MTMR10: variants seen among roughly 807,000 people sequenced by gnomAD.
The protein encoded by MTMR10 is myotubularin related protein 10, also known as myotubularin-related protein 10.
A neutral mutation model predicts 88.1 loss-of-function variants in MTMR10; 56 were observed. The observed-to-expected ratio is 0.64, with a 90% CI of 0.51 to 0.79. The LOEUF is 0.79. Among genes scored for constraint, MTMR10 ranks in the 30% least tolerant of loss-of-function variants. The probability of loss-of-function intolerance (pLI) is 0.00; values close to 1 mark genes in which losing one functional copy is unlikely to be tolerated. For missense variants in MTMR10, 883 were observed against 924.7 expected (o/e 0.95, Z 0.58); for synonymous variants, 380 against 340.9 (o/e 1.11, Z -1.26).
At chr15:30,943,482 A>ATCTT (rs2063118041) in intron 14 of MTMR10, 2 of 985,464 alleles carry the variant, frequency 2.0e-6, no homozygotes, top group South Asian at 9.4e-5. Context: ...GATTAACAAA[A>ATCTT]TCTTTGGATG....
chr15:30,919,821 G>C, the MTMR10 span, among the ~76,000 whole-genome samples: 1 of 152,122 alleles, frequency 6.6e-6, no homozygotes, highest in Admixed American at 6.5e-5. Flanking sequence ...GACGAGGAGA[G>C]AGAGGAGGGC....
At chr15:30,966,671 T>A (rs1306612535) in intron 6 of MTMR10, among the ~76,000 whole-genome samples, 1 of 152,122 alleles carries the variant, frequency 6.6e-6, no homozygotes, top group Non-Finnish European at 1.5e-5. Context: ...AGTAAGTGAA[T>A]TTACTTAATA....
downstream of MTMR10, among the ~76,000 whole-genome samples, chr15:30,937,952 G>A (rs1358875937): frequency 6.6e-6 from 1 of 151,094 alleles, no homozygotes; most frequent in Non-Finnish European, 1.5e-5. Flanking sequence ...GAGGCTGAGC[G>A]AGGCAGGCGC....
chr15:30,989,750 T>TA (rs2031185268), intron 2 of MTMR10, among the ~76,000 whole-genome samples: 1 of 28,464 alleles, frequency 3.5e-5, no homozygotes, highest in Non-Finnish European at 8.0e-5. Context: ...GCCTGGCTAA[T>TA]TTTTTTTTGT....
chr15:30,948,858 T>C, intron 12 of MTMR10: 1 of 234,666 alleles, frequency 4.3e-6, no homozygotes, highest in South Asian at 6.4e-5. Flanking sequence ...ATGGGGAGAG[T>C]GGGACTGTTC....
At position 30,991,442 on chromosome 15, in the gene MTMR10, T is replaced by C; in HGVS notation, c.60+5A>G. The C allele has an allele frequency of 2.7e-6, 4 of 1,490,368 alleles. No individual in the cohort carries two copies. Among genetic ancestry groups the C allele is most frequent in the Non-Finnish European group, 3.6e-6 (4 of 1,124,054 alleles). 92.3% of individuals were successfully genotyped at this position (1,490,368 alleles called of 1,614,324 possible). ...GTCGGGCGCTCGCGGGGAGGGGTTG[T>C]TTACCTGGGGCGGTGGCAGGAGGTA... On this transcript the variant is annotated splice_donor_5th_base_variant and intron_variant, in intron 1 of 15. Coordinates refer to ENST00000435680, the MANE Select transcript of MTMR10 (RefSeq NM_017762.3).
the MTMR10 span, among the ~76,000 whole-genome samples, chr15:30,930,972 C>G: frequency 5.3e-5 from 8 of 152,302 alleles, no homozygotes; most frequent in East Asian, 1.5e-3. Context: ...GTCCAGCTGA[C>G]ACTCAAAGGG....
At chr15:30,972,363 T>C (rs1220450074) in intron 5 of MTMR10, among the ~76,000 whole-genome samples, 1 of 152,178 alleles carries the variant, frequency 6.6e-6, no homozygotes, top group African/African-American at 2.4e-5. Context: ...TCATTGCATC[T>C]ATTTTTTTTT....
At chr15:30,933,676 C>T in the MTMR10 span, among the ~76,000 whole-genome samples, 1 of 151,610 alleles carries the variant, frequency 6.6e-6, no homozygotes, top group African/African-American at 2.4e-5. Flanking sequence ...TGTGTCCTTA[C>T]TGATTTCTTA....
At chr15:30,923,970 C>A in the MTMR10 span, among the ~76,000 whole-genome samples, 1 of 152,192 alleles carries the variant, frequency 6.6e-6, no homozygotes, top group Non-Finnish European at 1.5e-5. Context: ...AACAGAAACA[C>A]TGCAGCCATT....
At position 30,974,451 on chromosome 15, in the gene MTMR10, C is replaced by G; in HGVS notation, c.337G>C (p.Asp113His). Residue 113 changes from aspartate to histidine, a missense_variant, in exon 5 of 16, where the codon GAC becomes CAC. Physicochemically the swap from Asp to His is moderately conservative, Grantham distance 81 (BLOSUM62 -1). This residue lies in a region of MTMR10 where 414 missense variants were observed against 423.2 expected (regional missense o/e 0.98). Coordinates refer to ENST00000435680, the MANE Select transcript of MTMR10 (RefSeq NM_017762.3). ...TCIEQIVTVN[D>H]HKRKQKVLGP... Reference sequence around the variant, plus strand: ...AGGACTTTCTGCTTCCTCTTGTGGTCGTTTACTAAAAAAGAAAAAAAAATA... The same window carrying G: ...AGGACTTTCTGCTTCCTCTTGTGGTGGTTTACTAAAAAAGAAAAAAAAATA... 10 of 1,506,616 alleles carry G rather than the reference C, an allele frequency of 6.6e-6. No individual in the cohort carries two copies. Among genetic ancestry groups the G allele is most frequent in the Non-Finnish European group, 8.9e-6 (10 of 1,125,454 alleles). 93.3% of individuals were successfully genotyped at this position (1,506,616 alleles called of 1,614,324 possible). A position where few individuals can be genotyped will look rare whatever the true frequency, so the allele number is the denominator to read the frequency against.
chr15:30,970,799 T>C (rs565759437), intron 5 of MTMR10, among the ~76,000 whole-genome samples: 1 of 152,184 alleles, frequency 6.6e-6, no homozygotes, highest in South Asian at 2.1e-4. Flanking sequence ...CAATATCACA[T>C]CAGGTTAGGA....
At chr15:30,982,390 T>C (rs937411240) in intron 2 of MTMR10, among the ~76,000 whole-genome samples, 1 of 152,164 alleles carries the variant, frequency 6.6e-6, no homozygotes, top group African/African-American at 2.4e-5. Context: ...TCACATTAAC[T>C]CTATCCTCTT....
chr15:30,947,480 G>A (rs1052581507), intron 13 of MTMR10, among the ~76,000 whole-genome samples, 180 bp from the exon 14 acceptor site: 2 of 152,146 alleles, frequency 1.3e-5, no homozygotes, highest in Non-Finnish European at 2.9e-5. Flanking sequence ...ACATTCAACC[G>A]TGATAAACAT....
chr15:30,942,485 A>C (rs1017123091), intron 15 of MTMR10: 1 of 261,636 alleles, frequency 3.8e-6, no homozygotes, highest in African/African-American at 2.2e-5. Context: ...ACCAAAAAAA[A>C]TCCCAAGAAT....
intron 14 of MTMR10, chr15:30,943,357 T>G: frequency 7.1e-6 from 7 of 985,272 alleles, no homozygotes; most frequent in Non-Finnish European, 8.4e-6. Flanking sequence ...AAGAGAAGTT[T>G]CACTAACATG....
At chr15:30,974,492 G>T (rs138149101) in intron 4 of MTMR10, 36 bp from the exon 5 acceptor site, 1 of 1,465,868 alleles carries the variant, frequency 6.8e-7, no homozygotes, top group African/African-American at 1.4e-5. Flanking sequence ...AATAAAATGC[G>T]TAACAGTTAT....
chr15:30,968,016 A>T lies in MTMR10; in HGVS notation c.475-6T>A. 6.5e-7 allele frequency: 1 copy of T among 1,545,188 alleles called. No homozygotes were observed. ...TGAGCTATTGCAAGGCATACCTAGG[A>T]AAAATTCTACATTTAGAATTTGATT... On this transcript the variant is annotated splice_polypyrimidine_tract_variant and splice_region_variant and intron_variant, in intron 5 of 15. Coordinates refer to ENST00000435680, the MANE Select transcript of MTMR10 (RefSeq NM_017762.3).
intron 2 of MTMR10, among the ~76,000 whole-genome samples, chr15:30,981,558 C>G (rs1436454864): frequency 6.6e-6 from 1 of 152,208 alleles, no homozygotes; most frequent in African/African-American, 2.4e-5. Context: ...TAATAATCTT[C>G]CAAAGCGTCA....
Sources: gnomAD v4.1 joint callset for allele counts (sites outside exome capture counted in the v4.1 genomes callset) on GRCh38, gnomAD v4.1.1 for gene constraint, gnomAD v4.1.1 regional missense constraint, MANE v1.5 for transcripts, NCBI Gene and HGNC (gene_info 2026-07-23, HGNC 2026-07-21) for gene names.